The following EHBP1 variants were observed in gnomAD, a reference collection of about 807,000 sequenced individuals.
The protein encoded by EHBP1 is EH domain-binding protein 1.
Under a neutral mutation model 144.0 loss-of-function variants are expected in EHBP1, and 55 were observed. That is an observed-to-expected ratio of 0.38 (90% CI 0.31 to 0.48). EHBP1 has a LOEUF of 0.48. EHBP1 is among the 20% of genes least tolerant of loss of function. The pLI, the probability that EHBP1 is intolerant of heterozygous loss-of-function variation, is 0.98. For missense variants in EHBP1, 1,200 were observed against 1,364.2 expected, an observed-to-expected ratio of 0.88 and a Z score of 1.90; for synonymous variants, 469 against 472.7, an observed-to-expected ratio of 0.99 and a Z score of 0.10.
intron 19 of EHBP1, among the ~76,000 whole-genome samples, chr2:63,027,845 A>G (rs907607261): frequency 6.6e-6 from 1 of 152,202 alleles, no homozygotes; most frequent in Non-Finnish European, 1.5e-5. Flanking sequence ...GATGTTGGTG[A>G]AAGGATACAA....
intron 19 of EHBP1, among the ~76,000 whole-genome samples, chr2:63,026,235 A>G (rs983539230): frequency 2.0e-5 from 3 of 151,694 alleles, no homozygotes; most frequent in South Asian, 4.2e-4. Context: ...TGCTCTATCA[A>G]TAATTCTAGG....
intron 14 of EHBP1, among the ~76,000 whole-genome samples, chr2:62,967,697 A>G (rs2058309550): frequency 6.6e-6 from 1 of 152,192 alleles, no homozygotes; most frequent in Non-Finnish European, 1.5e-5. Context: ...GAAATATAAA[A>G]TGATGAAAAG....
intron 18 of EHBP1, among the ~76,000 whole-genome samples, chr2:62,995,644 G>A (rs1006213539): frequency 1.3e-5 from 2 of 151,974 alleles, no homozygotes; most frequent in Non-Finnish European, 2.9e-5. Context: ...TGATAGGAGT[G>A]GTGGTGGTAA....
intron 7 of EHBP1, among the ~76,000 whole-genome samples, chr2:62,854,650 T>G (rs2048906364): frequency 6.6e-6 from 1 of 152,192 alleles, no homozygotes; most frequent in South Asian, 2.1e-4. Flanking sequence ...CTTAAATGGG[T>G]GTGGTGCATT....
At chr2:62,765,270 A>T (rs1182262456) in intron 4 of EHBP1, among the ~76,000 whole-genome samples, 1 of 152,086 alleles carries the variant, frequency 6.6e-6, no homozygotes, top group Non-Finnish European at 1.5e-5. Flanking sequence ...GCCCTATAAG[A>T]TGTGCCTCTT....
intron 19 of EHBP1, among the ~76,000 whole-genome samples, chr2:63,003,772 G>A (rs2059931752): frequency 6.6e-6 from 1 of 152,024 alleles, no homozygotes; most frequent in Non-Finnish European, 1.5e-5. Flanking sequence ...TTCCAGAGGT[G>A]GTGCTTACTT....
rs756024050 is a variant in EHBP1, at chr2:62,707,223, T to C, written c.32T>C (p.Val11Ala). 1 of 1,614,102 alleles carries C rather than the reference T, an allele frequency of 6.2e-7. No homozygotes were observed. The highest frequency in any genetic ancestry group is 8.5e-7 in the Non-Finnish European group (1 of 1,180,020). MASVWKRLQR[V>A]GKHASKFQFV... ...TCAGTTTGGAAGAGACTGCAGCGTG[T>C]GGGAAAACATGCATCCAAGTTCCAG... is the stretch of plus-strand genomic sequence containing the variant. Residue 11 changes from valine (V) to alanine (A), a missense_variant, in exon 2 of 23, where the codon GTG becomes GCG. Coordinates refer to ENST00000431489, the MANE Select transcript of EHBP1 (RefSeq NM_001142616.3).
intron 7 of EHBP1, among the ~76,000 whole-genome samples, chr2:62,848,913 A>G (rs2048485934): frequency 6.6e-6 from 1 of 152,158 alleles, no homozygotes; most frequent in South Asian, 2.1e-4. Flanking sequence ...TGTAAGTAAA[A>G]TACTGGAAAG....
intron 10 of EHBP1, among the ~76,000 whole-genome samples, chr2:62,876,722 T>C (rs986299440): frequency 6.6e-6 from 1 of 152,056 alleles, no homozygotes; most frequent in East Asian, 1.9e-4. Flanking sequence ...ACATCTTACA[T>C]GGTGGGAGCA....
At chr2:62,981,457 G>C (rs1229904837) in intron 15 of EHBP1, among the ~76,000 whole-genome samples, 1 of 152,138 alleles carries the variant, frequency 6.6e-6, no homozygotes, top group Non-Finnish European at 1.5e-5. Context: ...GGGGCAGTTG[G>C]TATCTATTTT....
intron 14 of EHBP1, among the ~76,000 whole-genome samples, chr2:62,956,990 T>G (rs1376151551): frequency 6.6e-6 from 1 of 152,232 alleles, no homozygotes; most frequent in African/African-American, 2.4e-5. Context: ...ATATGTGGCA[T>G]TCTTATGATC....
At chr2:62,942,254 A>G (rs72811580) in intron 10 of EHBP1, among the ~76,000 whole-genome samples, 6 of 152,306 alleles carry the variant, frequency 3.9e-5, no homozygotes, top group Admixed American at 6.5e-5. Flanking sequence ...TGATTACTGT[A>G]TTTTTAAAAC....
intron 9 of EHBP1, among the ~76,000 whole-genome samples, chr2:62,871,571 T>A (rs1480948478): frequency 1.3e-5 from 2 of 152,222 alleles, no homozygotes; most frequent in African/African-American, 4.8e-5. Flanking sequence ...CAAAAGTTTA[T>A]AGGTTCAATG....
chr2:62,812,762 A>G (rs748754654), intron 5 of EHBP1, among the ~76,000 whole-genome samples: 2 of 152,226 alleles, frequency 1.3e-5, no homozygotes, highest in Admixed American at 6.5e-5. Flanking sequence ...ATTCGAGGAG[A>G]TGCATCGGGA....
At chr2:62,877,734 C>G (rs1314363107) in intron 10 of EHBP1, among the ~76,000 whole-genome samples, 1 of 152,166 alleles carries the variant, frequency 6.6e-6, no homozygotes, top group African/African-American at 2.4e-5. Context: ...TCCTGAATGA[C>G]TTTTGGGTAA....
chr2:63,034,742 G>A (rs1239989368), intron 19 of EHBP1, among the ~76,000 whole-genome samples: 1 of 151,730 alleles, frequency 6.6e-6, no homozygotes. Context: ...TATGCTTCAT[G>A]CATATTCAAA....
At chr2:62,828,318 C>T (rs1199774044) in intron 6 of EHBP1, among the ~76,000 whole-genome samples, 1 of 152,106 alleles carries the variant, frequency 6.6e-6, no homozygotes, top group Non-Finnish European at 1.5e-5. Context: ...ATATTTCATT[C>T]ACTGTAGTTT....
At chr2:63,043,072 GT>G (rs2061741079) in intron 21 of EHBP1, among the ~76,000 whole-genome samples, 1 of 151,836 alleles carries the variant, frequency 6.6e-6, no homozygotes, top group Non-Finnish European at 1.5e-5. Flanking sequence ...ACACATTTAG[GT>G]TTTTTTCTGA....
intron 5 of EHBP1, chr2:62,771,619 T>TTGTA: frequency 3.0e-6 from 1 of 329,684 alleles, no homozygotes. Context: ...GTATGTATGT[T>TTGTA]TGTATGTATG....
Sources: gnomAD v4.1 joint callset for allele counts (sites outside exome capture counted in the v4.1 genomes callset) on GRCh38, gnomAD v4.1.1 for gene constraint, MANE v1.5 for transcripts, NCBI Gene and HGNC (gene_info 2026-07-23, HGNC 2026-07-21) for gene names.